Variants in GRIK2 observed in about 807,000 individuals in gnomAD.
The protein encoded by GRIK2 is glutamate ionotropic receptor kainate type subunit 2.
A neutral mutation model predicts 100.3 loss-of-function variants in GRIK2; 32 were observed. The ratio of observed to expected loss-of-function variants is 0.32; its 90% CI spans 0.24 to 0.43. The LOEUF (loss-of-function observed/expected upper bound fraction) is 0.43, where lower values mean the gene tolerates loss of function less well. Among genes scored for constraint, GRIK2 ranks in the 20% least tolerant of loss-of-function variants. The pLI is 1.00. For missense variants in GRIK2, 843 were observed against 1,114.9 expected, an observed-to-expected ratio of 0.76 and a Z score of 3.47; for synonymous variants, 417 against 389.4, an observed-to-expected ratio of 1.07 and a Z score of -0.83.
chr6:101,615,083 TATCTACAAAACAAAGGA>T (rs1287794169), intron 2 of GRIK2, among the ~76,000 whole-genome samples: 1 of 151,784 alleles, frequency 6.6e-6, no homozygotes, highest in Non-Finnish European at 1.5e-5. Context: ...TGGTTTCCTA[TATCTACAAAACAAAGGA>T]GGGCAATTGT....
At chr6:101,902,565 T>A (rs1014561578) in intron 12 of GRIK2, among the ~76,000 whole-genome samples, 1 of 152,078 alleles carries the variant, frequency 6.6e-6, no homozygotes, top group East Asian at 1.9e-4. Context: ...AACATATCTA[T>A]GGACAAGAGA....
At chr6:101,616,563 T>C (rs1342310649) in intron 2 of GRIK2, among the ~76,000 whole-genome samples, 1 of 151,846 alleles carries the variant, frequency 6.6e-6, no homozygotes, top group Non-Finnish European at 1.5e-5. Flanking sequence ...CTTTTACCAT[T>C]GTATACTTAG....
At chr6:101,461,652 A>G (rs1270469018) in intron 2 of GRIK2, among the ~76,000 whole-genome samples, 1 of 152,130 alleles carries the variant, frequency 6.6e-6, no homozygotes, top group Non-Finnish European at 1.5e-5. Context: ...TATTCCTTTT[A>G]TTATGTAAGG....
At position 101,960,670 on chromosome 6, in the gene GRIK2, T is replaced by G. The variant is rs115020140; in HGVS notation, c.2085+32038T>G. Among the ~76,000 whole-genome samples, 312 of 152,274 alleles carry G rather than the reference T, an allele frequency of 2.0e-3. 1 individual carries two copies. Among genetic ancestry groups the G allele is most frequent in the African/African-American group, 7.3e-3 (302 of 41,554 alleles). On this transcript the variant is annotated intron_variant, in intron 14 of 16. Transcript: ENST00000369134. ...TGGTGGCTTTTTCAAATGCTGATTATAGTAGCAATGTACTCGGCCTATGAG... is the reference window on the plus strand; with the variant it reads ...TGGTGGCTTTTTCAAATGCTGATTAGAGTAGCAATGTACTCGGCCTATGAG...
intron 4 of GRIK2, among the ~76,000 whole-genome samples, chr6:101,641,691 G>A (rs1312067981): frequency 2.6e-5 from 4 of 152,084 alleles, no homozygotes; most frequent in African/African-American, 9.6e-5. Flanking sequence ...GTATTTGTGT[G>A]TTAAGAAGAC....
intron 14 of GRIK2, among the ~76,000 whole-genome samples, chr6:102,001,144 C>T (rs185938946): frequency 2.7e-4 from 41 of 151,820 alleles, no homozygotes; most frequent in Admixed American, 2.0e-3. Context: ...ACCCAAATGC[C>T]CGCTAGGTGC....
At chr6:101,994,876 A>C (rs1794568976) in intron 14 of GRIK2, among the ~76,000 whole-genome samples, 1 of 151,924 alleles carries the variant, frequency 6.6e-6, no homozygotes, top group Non-Finnish European at 1.5e-5. Context: ...AAATAAGAGA[A>C]AAATAGAAGT....
chr6:101,756,783 T>G (rs143931099), intron 7 of GRIK2, among the ~76,000 whole-genome samples: 1 of 152,304 alleles, frequency 6.6e-6, no homozygotes, highest in African/African-American at 2.4e-5. Context: ...CAAGTAGGCT[T>G]TAATGTACTA....
intron 4 of GRIK2, among the ~76,000 whole-genome samples, chr6:101,649,524 C>T (rs1781692019): frequency 6.6e-6 from 1 of 152,064 alleles, no homozygotes; most frequent in African/African-American, 2.4e-5. Flanking sequence ...GAGATGTTTA[C>T]TAGCTGATAA....
At position 101,418,572 on chromosome 6, in the gene GRIK2, A is replaced by G. The variant is rs561644534; in HGVS notation, c.115+19180A>G. Among the ~76,000 whole-genome samples, 41 of 152,262 alleles carry G rather than the reference A, an allele frequency of 2.7e-4. No homozygotes were observed. In the South Asian group the frequency reaches 8.5e-3, roughly 32 times the overall value. On this transcript the variant is annotated intron_variant, in intron 2 of 16. Transcript: ENST00000369134. Reference sequence around the variant, plus strand: ...TCCAGGTTGCTTGGTCACAAAAGACATCTGTCCACCTGATCTTTCCAAGGG... The same window carrying G: ...TCCAGGTTGCTTGGTCACAAAAGACGTCTGTCCACCTGATCTTTCCAAGGG...
intron 2 of GRIK2, among the ~76,000 whole-genome samples, chr6:101,442,434 A>C (rs1412680166): frequency 7.5e-6 from 1 of 133,586 alleles, no homozygotes; most frequent in Non-Finnish European, 1.7e-5. Context: ...CCTGCCAGTC[A>C]GTGCGCCGGC....
At chr6:101,597,917 G>A (rs1779001570) in intron 2 of GRIK2, among the ~76,000 whole-genome samples, 1 of 151,638 alleles carries the variant, frequency 6.6e-6, no homozygotes, top group South Asian at 2.1e-4. Flanking sequence ...GGCTATAGTT[G>A]CTTTCTCTGA....
chr6:101,685,038 T>C (rs1388718146), intron 6 of GRIK2, among the ~76,000 whole-genome samples: 1 of 152,108 alleles, frequency 6.6e-6, no homozygotes, highest in Admixed American at 6.6e-5. Flanking sequence ...TATTTGGGGG[T>C]AGCATGTTCT....
intron 12 of GRIK2, 44 bp downstream of exon 12, chr6:101,889,907 C>A: frequency 1.0e-6 from 1 of 974,644 alleles, no homozygotes; most frequent in East Asian, 2.4e-5. Flanking sequence ...TTGTTACCTC[C>A]TTTATCTAAC....
intron 9 of GRIK2, among the ~76,000 whole-genome samples, chr6:101,816,154 T>C (rs536305918): frequency 2.6e-5 from 4 of 152,254 alleles, no homozygotes; most frequent in Non-Finnish European, 5.9e-5. Context: ...TTTTATTAGA[T>C]AGACGACAGT....
intron 2 of GRIK2, among the ~76,000 whole-genome samples, chr6:101,601,880 A>C (rs1779229922): frequency 6.6e-6 from 1 of 151,530 alleles, no homozygotes; most frequent in South Asian, 2.1e-4. Context: ...CAAGGGACCA[A>C]ATTTTAGTTT....
intron 7 of GRIK2, among the ~76,000 whole-genome samples, chr6:101,739,160 A>G (rs1411690443): frequency 1.3e-5 from 2 of 152,230 alleles, no homozygotes; most frequent in Non-Finnish European, 2.9e-5. Context: ...TTTTTTGAAT[A>G]TGTCAAGTTT....
intron 7 of GRIK2, among the ~76,000 whole-genome samples, chr6:101,772,360 T>G (rs756609916): frequency 6.6e-6 from 1 of 152,188 alleles, no homozygotes; most frequent in Non-Finnish European, 1.5e-5. Flanking sequence ...GGAAATGGAC[T>G]GAAGTGGAAG....
intron 14 of GRIK2, among the ~76,000 whole-genome samples, chr6:101,967,062 A>G (rs1792727980): frequency 6.6e-6 from 1 of 151,916 alleles, no homozygotes; most frequent in African/African-American, 2.4e-5. Context: ...TAGTTGAAAT[A>G]AAAAGATTGA....
Sources: allele counts gnomAD v4.1 joint callset (sites outside exome capture counted in the v4.1 genomes callset), GRCh38; gene constraint gnomAD v4.1.1; transcripts MANE v1.5; gene names NCBI Gene and HGNC (gene_info 2026-07-23, HGNC 2026-07-21).